The following PHF19 variants were observed in gnomAD, a reference collection of about 807,000 sequenced individuals.
PHF19 encodes polycomb like 3.
PHF19 carries 21 observed loss-of-function variants against 79.8 expected under a neutral mutation model. The observed-to-expected ratio is 0.26, with a 90% CI of 0.19 to 0.38. The LOEUF is 0.38. PHF19 is among the 10% of genes least tolerant of loss of function. The probability of loss-of-function intolerance (pLI) is 1.00; values close to 1 mark genes in which losing one functional copy is unlikely to be tolerated. For missense variants in PHF19, 445 were observed against 744.2 expected (o/e 0.60, Z 4.68); for synonymous variants, 273 against 296.3 (o/e 0.92, Z 0.81).
chr9:120,883,478 G>A (rs897920200), intron 1 of PHF19, among the ~76,000 whole-genome samples: 1 of 152,240 alleles, frequency 6.6e-6, no homozygotes. Flanking sequence ...TCCCGGTCCA[G>A]CCGGGCACGG....
At chr9:120,858,811 T>TCACTCACACA (rs1554816154) in intron 14 of PHF19, among the ~76,000 whole-genome samples, 1 of 122,802 alleles carries the variant, frequency 8.1e-6, no homozygotes, top group East Asian at 2.4e-4. Context: ...CTGACAGACA[T>TCACTCACACA]CACACACACA....
chr9:120,861,269 G>A (rs546583602), intron 12 of PHF19, 95 bp from the exon 13 acceptor site: 1 of 793,188 alleles, frequency 1.3e-6, no homozygotes, highest in African/African-American at 1.7e-5. Context: ...GGCCGCTGAG[G>A]GCTGGGCCCT....
At chr9:120,894,046 A>C (rs1003641565) in intron 1 of PHF19, among the ~76,000 whole-genome samples, 4 of 152,172 alleles carry the variant, frequency 2.6e-5, no homozygotes, top group Admixed American at 2.6e-4. Flanking sequence ...GGGTGATCCC[A>C]TGTAGGGCCG....
intron 14 of PHF19, among the ~76,000 whole-genome samples, chr9:120,859,757 G>A (rs998865533): frequency 1.3e-5 from 2 of 152,198 alleles, no homozygotes; most frequent in Admixed American, 6.5e-5. Flanking sequence ...CTCATGGCAC[G>A]TGGAGGCCAA....
At chr9:120,877,393 A>G (rs2046098171), upstream of PHF19, 3 of 975,392 alleles carry the variant, frequency 3.1e-6, no homozygotes, top group African/African-American at 1.8e-5. Flanking sequence ...CGGCCTCGCC[A>G]TTGGAGCCCG....
intron 1 of PHF19, among the ~76,000 whole-genome samples, chr9:120,890,479 G>A (rs906782707): frequency 5.9e-5 from 9 of 151,976 alleles, no homozygotes; most frequent in Non-Finnish European, 1.0e-4. Context: ...GACGCCACTC[G>A]CCCTGGTGAG....
intron 1 of PHF19, among the ~76,000 whole-genome samples, chr9:120,883,069 TA>T (rs751243209): frequency 1.6e-4 from 25 of 152,086 alleles, no homozygotes; most frequent in African/African-American, 5.3e-4. Flanking sequence ...ACACCAGTTT[TA>T]AAAAAAATGG....
At chr9:120,876,963 G>T (rs897083754) in intron 1 of PHF19, 128 bp downstream of exon 1, 9 of 918,990 alleles carry the variant, frequency 9.8e-6, no homozygotes, top group Non-Finnish European at 9.1e-6. Flanking sequence ...CGAGAGCCCC[G>T]CTCCGCAGGA....
chr9:120,858,811 T>TCACTCA lies in PHF19; in HGVS notation c.1401-526_1401-525insTGAGTG, dbSNP rs1554816154. On this transcript the variant is annotated intron_variant, in intron 14 of 14. Transcript: ENST00000373896. Reference sequence around the variant, plus strand: ...GCCTGGATGGAGAGACTGACAGACATCACACACACACACACACACACACAC... The same window carrying TCACTCA: ...GCCTGGATGGAGAGACTGACAGACATCACTCACACACACACACACACACACACACAC... Among the ~76,000 whole-genome samples, 59 of 122,892 alleles carry TCACTCA rather than the reference T, an allele frequency of 4.8e-4. No individual in the cohort carries two copies. The East Asian group carries it at 0.013, about 28-fold the overall frequency. 80.6% of individuals were successfully genotyped at this position (122,892 alleles called of 152,430 possible). A position where few individuals can be genotyped will look rare whatever the true frequency, so the allele number is the denominator to read the frequency against.
At chr9:120,872,689 C>CT (rs199811441) in intron 3 of PHF19, among the ~76,000 whole-genome samples, 319 of 141,116 alleles carry the variant, frequency 2.3e-3, no homozygotes, top group Middle Eastern at 0.011. Context: ...TTTTTCTTTT[C>CT]TTTTTTTTTT....
Position 120,865,728 on chromosome 9 carries a change from C to T in PHF19, c.882G>A (p.Glu294=), listed in dbSNP as rs770372482. 3.1e-6 allele frequency: 5 copies of T among 1,614,072 alleles called. No homozygotes were observed. Among genetic ancestry groups the T allele is most frequent in the East Asian group, 4.5e-5 (2 of 44,894 alleles). Residue 294 remains glutamate, a synonymous_variant, in exon 9 of 15, where the codon GAG becomes GAA. Coordinates refer to ENST00000373896, the MANE Select transcript of PHF19 (RefSeq NM_015651.3). Reference sequence around the variant, plus strand: ...CACATACCTTGCCAAGCTGCAGGAGCTCCCAGTGGTGGTTGACAAAGGCCA... The same window carrying T: ...CACATACCTTGCCAAGCTGCAGGAGTTCCCAGTGGTGGTTGACAAAGGCCA... ...EILAFVNHHW[E]LLQLGKLTST...
At position 120,869,661 on chromosome 9, in the gene PHF19, T is replaced by C. The variant is rs777817095; in HGVS notation, c.465+184A>G. Reference sequence around the variant, plus strand: ...CACCAAACCCATCTCCACTTTACAGTTGAGGAAACTGAGGCTCAGGGAGTC... The same window carrying C: ...CACCAAACCCATCTCCACTTTACAGCTGAGGAAACTGAGGCTCAGGGAGTC... On this transcript the variant is annotated intron_variant, in intron 5 of 14. Transcript: ENST00000373896. This position sits in a 1 kb window ranked among gnomAD's most constrained non-coding sequence, Gnocchi z 5.8. The C allele has an allele frequency of 7.2e-5, 111 of 1,546,470 alleles. No individual in the cohort carries two copies. The East Asian group carries it at 2.3e-3, about 32-fold the overall frequency.
the PHF19 span, chr9:120,904,051 GCCTCAGTT>G: frequency 1.3e-5 from 2 of 152,374 alleles, no homozygotes; most frequent in Non-Finnish European, 2.9e-5. Flanking sequence ...AGAAGTGGAT[GCCTCAGTT>G]AATCAGGTGT....
At chr9:120,883,761 CAAA>C (rs563911814) in intron 1 of PHF19, among the ~76,000 whole-genome samples, 59,715 of 108,916 alleles carry the variant, frequency 0.55, 14,136 homozygotes, top group South Asian at 0.65. Flanking sequence ...ACACTGTCTC[CAAA>C]AAAAAAAAAA....
Position 120,869,236 on chromosome 9 carries a change from G to T in PHF19, c.560C>A (p.Ser187Ter), listed in dbSNP as rs754288239. Reference sequence around the variant, plus strand: ...TTGCTGCTGGTTGGTGCGATGGGGCGAGTCCCACTCGAGCTCCTCGGGCTG... The same window carrying T: ...TTGCTGCTGGTTGGTGCGATGGGGCTAGTCCCACTCGAGCTCCTCGGGCTG... The part of the protein sequence containing the change: ...SYQPEELEWD[S>*]PHRTNQQQCY... Residue 187 changes from serine (S) to a stop codon, truncating the protein, a stop_gained, in exon 6 of 15, where the codon TCG becomes TAG. Transcript: ENST00000373896. LOFTEE classifies it high-confidence loss of function. The surrounding 1 kb of genome is among the most constrained non-coding windows in gnomAD (Gnocchi z 5.8). 6.2e-7 allele frequency: 1 copy of T among 1,612,282 alleles called. No homozygotes were observed.
chr9:120,889,333 G>C (rs2046309055), intron 1 of PHF19, among the ~76,000 whole-genome samples: 1 of 150,524 alleles, frequency 6.6e-6, no homozygotes, highest in South Asian at 2.1e-4. Context: ...AGCTGAGGCA[G>C]AAGAATCACT....
Position 120,869,349 on chromosome 9 carries a change from C to A in PHF19, c.466-19G>T. The A allele has an allele frequency of 6.2e-7, 1 of 1,609,130 alleles. No homozygotes were observed. ...CGCCTTTCTGGGGGGAGACGAGGGC[C>A]CCAGTCAACCACCAGGTCCGGGTGG... On this transcript the variant is annotated intron_variant, in intron 5 of 14. Coordinates refer to ENST00000373896, the MANE Select transcript of PHF19 (RefSeq NM_015651.3). The surrounding 1 kb of genome is among the most constrained non-coding windows in gnomAD (Gnocchi z 5.8).
At chr9:120,867,638 T>C (rs1474732866) in intron 6 of PHF19, among the ~76,000 whole-genome samples, 2 of 152,356 alleles carry the variant, frequency 1.3e-5, no homozygotes, top group East Asian at 3.8e-4. Flanking sequence ...CCCATAGGCG[T>C]TGAGAAACAC....
At chr9:120,883,482 G>A (rs7858209) in intron 1 of PHF19, among the ~76,000 whole-genome samples, 78,207 of 152,034 alleles carry the variant, frequency 0.51, 20,835 homozygotes, top group Middle Eastern at 0.68. Flanking sequence ...GGTCCAGCCG[G>A]GCACGGTGGC....
Sources: allele counts gnomAD v4.1 joint callset (sites outside exome capture counted in the v4.1 genomes callset), GRCh38; gene constraint gnomAD v4.1.1; non-coding constraint Gnocchi (gnomAD v3.1); transcripts MANE v1.5; gene names NCBI Gene and HGNC (gene_info 2026-07-23, HGNC 2026-07-21).